Variants in MICAL3 observed in about 807,000 individuals in gnomAD.
The protein encoded by MICAL3 is [F-actin]-monooxygenase MICAL3.
Under a neutral mutation model 207.4 loss-of-function variants are expected in MICAL3, and 62 were observed. That is an observed-to-expected ratio of 0.30 (90% confidence interval 0.24 to 0.37). The LOEUF (loss-of-function observed/expected upper bound fraction) is 0.37, where lower values mean the gene tolerates loss of function less well. Among genes scored for constraint, MICAL3 ranks in the 10% least tolerant of loss-of-function variants. MICAL3 has a pLI of 1.00. For synonymous variants in MICAL3, 1,077 were observed against 1,069.3 expected (o/e 1.01, Z -0.14); for missense variants, 2,368 against 2,635.6 (o/e 0.90, Z 2.22).
In MICAL3 at chr22:17,919,573, T is replaced by C. The variant is rs116009929; in HGVS notation, c.-74-12687A>G. Among the ~76,000 whole-genome samples the C allele has an allele frequency of 3.8e-3, 574 of 152,308 alleles. 4 individuals are homozygous for C. Among genetic ancestry groups the C allele is most frequent in the African/African-American group, 0.011 (439 of 41,560 alleles). On this transcript the variant is annotated intron_variant, in intron 1 of 31. Transcript: ENST00000441493. ...GTTAGGATATGAGACAGAAGTCGTA[T>C]CAAATGAAAATGAACTGTGTGCTTT...
intron 19 of MICAL3, among the ~76,000 whole-genome samples, chr22:17,846,803 G>C (rs1924675942): frequency 6.6e-6 from 1 of 152,158 alleles, no homozygotes; most frequent in Admixed American, 6.5e-5. Flanking sequence ...ACTAAGTCAG[G>C]GCAGGCAGCT....
chr22:17,873,462 T>C (rs565514922), intron 16 of MICAL3, among the ~76,000 whole-genome samples: 3 of 152,336 alleles, frequency 2.0e-5, no homozygotes, highest in Admixed American at 6.5e-5. Flanking sequence ...TTCTCAGCCC[T>C]TTCTCCCTGC....
At chr22:18,008,957 A>G (rs969010622) in intron 1 of MICAL3, among the ~76,000 whole-genome samples, 2 of 152,216 alleles carry the variant, frequency 1.3e-5, no homozygotes, top group African/African-American at 4.8e-5. Flanking sequence ...CAACTTGACA[A>G]AGTTGCAAAT....
At chr22:17,997,207 G>A (rs1216835827) in intron 1 of MICAL3, among the ~76,000 whole-genome samples, 1 of 151,448 alleles carries the variant, frequency 6.6e-6, no homozygotes, top group Non-Finnish European at 1.5e-5. Flanking sequence ...GGGACCACAG[G>A]TACACACCAC....
Position 17,901,791 on chromosome 22 carries a change from G to A in MICAL3, c.691+87C>T, listed in dbSNP as rs181758247. On this transcript the variant is annotated intron_variant, in intron 5 of 31. Transcript: ENST00000441493. The stretch of plus-strand genomic sequence containing the variant: ...CATTCAGGCTCTCAAAAGGGTGGAC[G>A]CTGGTCACGCACAGTCTCGCCCCAG... 1.2e-4 allele frequency: 115 copies of A among 957,250 alleles called. No homozygotes were observed. In the Admixed American group the frequency reaches 1.6e-3, roughly 13 times the overall value. The allele number at this position is 957,250 out of a possible 1,614,324, so 59.3% of individuals were successfully genotyped here.
rs1200409205 is a variant in MICAL3, at chr22:17,801,183, C to T, written c.5650+7661G>A. 1.1e-4 allele frequency among the ~76,000 whole-genome samples: 5 copies of T among 44,962 alleles called. 1 individual carries two copies. Among genetic ancestry groups the T allele is most frequent in the African/African-American group, 3.5e-4 (1 of 2,886 alleles). 29.5% of individuals were successfully genotyped at this position (44,962 alleles called of 152,430 possible). ...TTTTTTTTTTTTTGAGACGGAGTCT[C>T]GCTCTGTCGCCCAGGCTGGAGTGCA... On this transcript the variant is annotated intron_variant, in intron 29 of 31. Transcript: ENST00000441493.
Position 17,972,713 on chromosome 22 carries a change from A to C in MICAL3, c.-75+51568T>G, listed in dbSNP as rs1602322188. Reference sequence around the variant, plus strand: ...GGAAAAAGGGCAAGGGCAGAGAGCTATGGATCTCATTCACTGGGATAAAAA... The same window carrying C: ...GGAAAAAGGGCAAGGGCAGAGAGCTCTGGATCTCATTCACTGGGATAAAAA... On this transcript the variant is annotated intron_variant, in intron 1 of 31. Transcript: ENST00000441493. 2.0e-5 allele frequency among the ~76,000 whole-genome samples: 3 copies of C among 152,336 alleles called. No individual in the cohort carries two copies. In the East Asian group the frequency reaches 5.8e-4, roughly 29 times the overall value.
chr22:17,831,709 A>C, intron 21 of MICAL3, 145 bp downstream of exon 21: 1 of 1,329,396 alleles, frequency 7.5e-7, no homozygotes, highest in Non-Finnish European at 1.0e-6. Flanking sequence ...TCTGCCCCCC[A>C]TGTCTTATGT....
chr22:17,967,492 ACC>A (rs1295721158), intron 1 of MICAL3, among the ~76,000 whole-genome samples: 26,724 of 148,592 alleles, frequency 0.18, 2,528 homozygotes, highest in Middle Eastern at 0.27. Flanking sequence ...ACACACACAC[ACC>A]CACACACACC....
At chr22:17,997,808 T>C (rs1199200407) in intron 1 of MICAL3, among the ~76,000 whole-genome samples, 1 of 152,156 alleles carries the variant, frequency 6.6e-6, no homozygotes. Context: ...AATGAGGTAA[T>C]GTCTATGCAG....
rs373213687 is a variant in MICAL3, at chr22:17,818,166, G to A, written c.4495C>T (p.Arg1499Trp). 85 of 1,590,718 alleles carry A rather than the reference G, an allele frequency of 5.3e-5. No individual in the cohort carries two copies. Among genetic ancestry groups the A allele is most frequent in the Admixed American group, 4.2e-4 (24 of 57,434 alleles). ...PLPATWMRPP[R>W]EPAQPPREEV... ...TCTCTGGGGGGCTGAGCAGGCTCCC[G>A]GGGGGGCCGCATCCAGGTGGCGGGC... The change falls in exon 26 of 32, where the codon CGG (arginine) becomes TGG (tryptophan). Residue 1499 changes from arginine to tryptophan, a missense_variant. Arg to Trp is a moderately radical substitution (Grantham distance 101). Transcript: ENST00000441493.
At chr22:17,834,771 T>TA (rs1017601480) in intron 20 of MICAL3, among the ~76,000 whole-genome samples, 2 of 152,220 alleles carry the variant, frequency 1.3e-5, no homozygotes, top group African/African-American at 4.8e-5. Flanking sequence ...TTATTGGTAT[T>TA]CTTTCTGCCT....
Position 17,790,816 on chromosome 22 carries a change from C to T in MICAL3, c.5925G>A (p.Glu1975=). Residue 1975 remains glutamate (E), a synonymous_variant, in exon 32 of 32, where the codon GAG becomes GAA. Coordinates refer to ENST00000441493, the MANE Select transcript of MICAL3 (RefSeq NM_015241.3). ...EQRDSLVALL[E]EQRLREREED... is the part of the protein sequence containing the mutation. The stretch of plus-strand genomic sequence containing the variant: ...CCTCTCTCTCCCGGAGCCGCTGCTC[C>T]TCCAGCAGCGCCACCAGTGAGTCTC... 1 of 1,613,718 alleles carries T rather than the reference C, an allele frequency of 6.2e-7. No homozygotes were observed. Among genetic ancestry groups the T allele is most frequent in the South Asian group, 1.1e-5 (1 of 91,088 alleles).
chr22:17,949,296 A>G (rs756310228), intron 1 of MICAL3, among the ~76,000 whole-genome samples: 4 of 152,262 alleles, frequency 2.6e-5, no homozygotes, highest in Non-Finnish European at 4.4e-5. Flanking sequence ...CTGGCTAAGT[A>G]CATACACCCA....
chr22:18,005,043 C>T (rs1923297079), intron 1 of MICAL3: 1 of 152,006 alleles, frequency 6.6e-6, no homozygotes, highest in Non-Finnish European at 1.5e-5. Flanking sequence ...AAGCGATTCT[C>T]ATGCCTCAGC....
At chr22:17,835,630 A>G (rs1025434171) in intron 20 of MICAL3, among the ~76,000 whole-genome samples, 9 of 152,246 alleles carry the variant, frequency 5.9e-5, no homozygotes, top group East Asian at 1.9e-4. Context: ...TCACTATACC[A>G]GAAACAGATG....
chr22:17,861,640 T>C (rs1413117548), intron 19 of MICAL3: 2 of 985,312 alleles, frequency 2.0e-6, no homozygotes, highest in Non-Finnish European at 2.4e-6. Flanking sequence ...TGTTCAAGCT[T>C]TTTCTAAAGT....
intron 20 of MICAL3, chr22:17,839,780 C>T (rs768115464): frequency 1.3e-5 from 2 of 151,986 alleles, no homozygotes; most frequent in Non-Finnish European, 2.9e-5. Context: ...GTTGGCCAGG[C>T]TGGTCTCGAA....
At chr22:18,013,621 G>A (rs1293985441) in intron 1 of MICAL3, among the ~76,000 whole-genome samples, 2 of 152,226 alleles carry the variant, frequency 1.3e-5, no homozygotes, top group African/African-American at 2.4e-5. Flanking sequence ...GTTGAGGGTG[G>A]ATGGAGGTGA....
Sources: allele counts gnomAD v4.1 joint callset (sites outside exome capture counted in the v4.1 genomes callset), GRCh38; gene constraint gnomAD v4.1.1; transcripts MANE v1.5; gene names NCBI Gene and HGNC (gene_info 2026-07-23, HGNC 2026-07-21).